Variants in SP6 observed in about 807,000 individuals in gnomAD.
The protein encoded by SP6 is Sp6 transcription factor.
A neutral mutation model predicts 23.4 loss-of-function variants in SP6; 10 were observed. The observed-to-expected ratio is 0.43, with a 90% CI of 0.26 to 0.72. The LOEUF is 0.72. SP6 is among the 30% of genes least tolerant of loss of function. The pLI is 0.23. For synonymous variants in SP6, 238 were observed against 238.7 expected (o/e 1.00, Z 0.03); for missense variants, 482 against 523.8 (o/e 0.92, Z 0.78).
chr17:47,854,027 A>C (rs1182626421), upstream of SP6, among the ~76,000 whole-genome samples: 1 of 152,204 alleles, frequency 6.6e-6, no homozygotes, highest in Non-Finnish European at 1.5e-5. Flanking sequence ...ATTGCTACTC[A>C]AAATTGAACA....
At chr17:47,867,329 G>A in the SP6 span, among the ~76,000 whole-genome samples, 1 of 152,088 alleles carries the variant, frequency 6.6e-6, no homozygotes, top group Admixed American at 6.5e-5. Context: ...GAGAGAGAGT[G>A]GAGAAACCAT....
chr17:47,872,739 C>T, the SP6 span, among the ~76,000 whole-genome samples: 1 of 152,186 alleles, frequency 6.6e-6, no homozygotes, highest in South Asian at 2.1e-4. Flanking sequence ...CCCCCGGCGG[C>T]AAGGGCAGGG....
In SP6 at chr17:47,845,248, A is replaced by G. The variant is rs1462228702; in HGVS notation, c.*2051T>C. The G allele has an allele frequency of 1.3e-5, 2 of 152,060 alleles. No homozygotes were observed. The highest frequency in any genetic ancestry group is 2.9e-5 in the Non-Finnish European group (2 of 67,994). The allele number at this position is 152,060 out of a possible 1,614,324, so 9.4% of individuals were successfully genotyped here. A position where few individuals can be genotyped will look rare whatever the true frequency, so the allele number is the denominator to read the frequency against. ...CACAGGGAAGGGGTGGCTGGTTTCG[A>G]TGGGTGGAGGAGAAAGGCATCTTAC... is the stretch of plus-strand genomic sequence containing the variant. On this transcript the variant is annotated 3_prime_UTR_variant, in exon 2 of 2. Coordinates refer to ENST00000536300, the MANE Select transcript of SP6 (RefSeq NM_001258248.2).
chr17:47,870,772 C>A, the SP6 span, among the ~76,000 whole-genome samples: 1 of 152,080 alleles, frequency 6.6e-6, no homozygotes, highest in Admixed American at 6.6e-5. Flanking sequence ...CCAGCCACGC[C>A]AGAGAATGAA....
At chr17:47,862,923 T>C in the SP6 span, among the ~76,000 whole-genome samples, 1 of 152,268 alleles carries the variant, frequency 6.6e-6, no homozygotes, top group East Asian at 1.9e-4. Flanking sequence ...GCCCTTTGCA[T>C]TATCCTTGAT....
rs1167317826 is a variant in SP6 at position 47,846,873 on chromosome 17, T to C, written c.*426A>G. The C allele has an allele frequency of 6.0e-6, 1 of 165,954 alleles. No homozygotes were observed. Among genetic ancestry groups the C allele is most frequent in the African/African-American group, 2.4e-5 (1 of 41,978 alleles). 10.3% of individuals were successfully genotyped at this position (165,954 alleles called of 1,614,324 possible). ...CGCAGGGCGGCTCCGGAGGCGCTTTTATGTCCTGGTTCCCAGGCGCTAAGG... is the reference window on the plus strand; with the variant it reads ...CGCAGGGCGGCTCCGGAGGCGCTTTCATGTCCTGGTTCCCAGGCGCTAAGG... On this transcript the variant is annotated 3_prime_UTR_variant, in exon 2 of 2. Transcript: ENST00000536300.
the SP6 span, among the ~76,000 whole-genome samples, chr17:47,869,206 T>C: frequency 1.3e-5 from 2 of 152,194 alleles, no homozygotes; most frequent in Non-Finnish European, 2.9e-5. Flanking sequence ...TCCCCTCCCC[T>C]GCCAAGCTGG....
Position 47,846,327 on chromosome 17 carries a change from C to A in SP6, c.*972G>T, listed in dbSNP as rs564506880. 2 of 152,342 alleles carry A rather than the reference C, an allele frequency of 1.3e-5. No homozygotes were observed. Among genetic ancestry groups the A allele is most frequent in the East Asian group, 3.9e-4 (2 of 5,182 alleles). The allele number at this position is 152,342 out of a possible 1,614,324, so 9.4% of individuals were successfully genotyped here. A position where few individuals can be genotyped will look rare whatever the true frequency, so the allele number is the denominator to read the frequency against. ...ACCCCCAATCTGCCCTCAACCAGCCCAAGAAACCCTCTTCCTTCCATCCCT... is the reference window on the plus strand; with the variant it reads ...ACCCCCAATCTGCCCTCAACCAGCCAAAGAAACCCTCTTCCTTCCATCCCT... On this transcript the variant is annotated 3_prime_UTR_variant, in exon 2 of 2. Transcript: ENST00000536300.
At chr17:47,872,059 G>A in the SP6 span, among the ~76,000 whole-genome samples, 1 of 152,152 alleles carries the variant, frequency 6.6e-6, no homozygotes, top group Non-Finnish European at 1.5e-5. Flanking sequence ...CAGCAAATAG[G>A]TAAACAAGTG....
the SP6 span, among the ~76,000 whole-genome samples, chr17:47,867,270 G>A: frequency 2.6e-5 from 4 of 151,926 alleles, no homozygotes; most frequent in Non-Finnish European, 4.4e-5. Context: ...AGAGACAGGC[G>A]GGGTCAGAAG....
Position 47,848,523 on chromosome 17 carries a change from A to AC in SP6, c.-57-38_-57-37insG. ...GAAGAAGCAGAAAAGTAAGGGAAAT[A>AC]ACCAGCTCACTTTCCCTCCTAACCC... On this transcript the variant is annotated intron_variant, in intron 1 of 1. Coordinates refer to ENST00000536300, the MANE Select transcript of SP6 (RefSeq NM_001258248.2). This position sits in a 1 kb window ranked among gnomAD's most constrained non-coding sequence, Gnocchi z 5.3. The AC allele has an allele frequency of 2.4e-6, 3 of 1,237,328 alleles. No homozygotes were observed. The highest frequency in any genetic ancestry group is 3.2e-5 in the South Asian group (2 of 61,968). The allele number at this position is 1,237,328 out of a possible 1,614,324, so 76.6% of individuals were successfully genotyped here.
the SP6 span, among the ~76,000 whole-genome samples, chr17:47,862,707 G>A: frequency 6.6e-6 from 1 of 152,166 alleles, no homozygotes; most frequent in Non-Finnish European, 1.5e-5. Flanking sequence ...TCGTAGAGGG[G>A]AAAAAGTGGC....
the SP6 span, among the ~76,000 whole-genome samples, chr17:47,871,414 C>T: frequency 6.6e-6 from 1 of 152,180 alleles, no homozygotes; most frequent in African/African-American, 2.4e-5. Context: ...CCTCACTGGC[C>T]CATTTTCTTA....
chr17:47,872,263 G>C, the SP6 span, among the ~76,000 whole-genome samples: 2 of 152,162 alleles, frequency 1.3e-5, no homozygotes, highest in Non-Finnish European at 2.9e-5. Flanking sequence ...CAGAGGTCCG[G>C]GTTGGGGATG....
intron 1 of SP6, among the ~76,000 whole-genome samples, chr17:47,849,745 C>CCCCCAA: frequency 6.6e-6 from 1 of 152,338 alleles, no homozygotes; most frequent in Admixed American, 6.5e-5. Flanking sequence ...ACGCTAAAGA[C>CCCCCAA]CCCCAACGCT....
chr17:47,872,905 G>A, the SP6 span, among the ~76,000 whole-genome samples: 102 of 152,210 alleles, frequency 6.7e-4, no homozygotes, highest in African/African-American at 2.4e-3. Context: ...ACAGGGAAGC[G>A]AGAATGTCCT....
At chr17:47,849,771 C>A (rs915369346) in intron 1 of SP6, among the ~76,000 whole-genome samples, 4 of 152,360 alleles carry the variant, frequency 2.6e-5, no homozygotes, top group Non-Finnish European at 5.9e-5. Flanking sequence ...AACCACATAT[C>A]TGTGGCTTGA....
chr17:47,858,348 T>A (rs1260779184), upstream of SP6, among the ~76,000 whole-genome samples: 1 of 152,140 alleles, frequency 6.6e-6, no homozygotes, highest in Non-Finnish European at 1.5e-5. Context: ...ACCCCTAAGC[T>A]TGCTTACCTC....
the SP6 span, among the ~76,000 whole-genome samples, chr17:47,873,651 T>C: frequency 2.6e-5 from 4 of 152,306 alleles, no homozygotes; most frequent in South Asian, 4.1e-4. Flanking sequence ...GTTGAGCCCC[T>C]CCCTGCGTCA....
Sources: allele counts gnomAD v4.1 joint callset (sites outside exome capture counted in the v4.1 genomes callset), GRCh38; gene constraint gnomAD v4.1.1; non-coding constraint Gnocchi (gnomAD v3.1); transcripts MANE v1.5; gene names NCBI Gene and HGNC (gene_info 2026-07-23, HGNC 2026-07-21).